The following AGFG1 variants were observed in gnomAD, a reference collection of about 807,000 sequenced individuals.
AGFG1 encodes ArfGAP with FG repeats 1, also known as arf-GAP domain and FG repeat-containing protein 1.
In AGFG1, 10 loss-of-function variants were observed where a neutral mutation model predicts 60.6. The ratio of observed to expected loss-of-function variants is 0.16; its 90% CI spans 0.10 to 0.28. AGFG1 has a LOEUF of 0.28. Among genes scored for constraint, AGFG1 ranks in the 10% least tolerant of loss-of-function variants. The pLI, the probability that AGFG1 is intolerant of heterozygous loss-of-function variation, is 1.00. For synonymous variants in AGFG1, 247 were observed against 242.9 expected, an observed-to-expected ratio of 1.02 and a Z score of -0.16; for missense variants, 537 against 676.5, an observed-to-expected ratio of 0.79 and a Z score of 2.29.
chr2:227,491,058 A>G (rs1039873130), intron 1 of AGFG1, among the ~76,000 whole-genome samples: 9 of 152,174 alleles, frequency 5.9e-5, no homozygotes, highest in African/African-American at 1.9e-4. Flanking sequence ...TATTACCTCA[A>G]TTCATGATAT....
At chr2:227,524,952 C>G (rs1467215701) in intron 5 of AGFG1, 37 bp downstream of exon 5, 1 of 1,605,834 alleles carries the variant, frequency 6.2e-7, no homozygotes, top group Non-Finnish European at 8.5e-7. Flanking sequence ...GCTGGGGATG[C>G]ATATAAAACA....
intron 2 of AGFG1, among the ~76,000 whole-genome samples, chr2:227,500,285 C>T (rs1691115114): frequency 6.6e-6 from 1 of 152,220 alleles, no homozygotes; most frequent in South Asian, 2.1e-4. Context: ...AGGACAATCT[C>T]ATACTGGCCT....
chr2:227,500,270 C>G (rs1159301308), intron 2 of AGFG1, among the ~76,000 whole-genome samples: 1 of 152,218 alleles, frequency 6.6e-6, no homozygotes, highest in Non-Finnish European at 1.5e-5. Flanking sequence ...CCCACTACTT[C>G]CCCAAGGACA....
chr2:227,552,115 A>G lies in AGFG1; in HGVS notation c.1535A>G (p.Asn512Ser), dbSNP rs150263079. ...CAGACAGCTTTTTCTCAACAGCCCAATGGTAAGATCTAACATTTGGCGAGC... is the reference window on the plus strand; with the variant it reads ...CAGACAGCTTTTTCTCAACAGCCCAGTGGTAAGATCTAACATTTGGCGAGC... ...PQQTAFSQQP[N>S]GAGFAAFGQT... Residue 512 changes from asparagine (N) to serine (S), a missense_variant and splice_region_variant, in exon 11 of 13, where the codon AAT becomes AGT. By Grantham distance (46) the Asn-to-Ser change is conservative. Transcript: ENST00000310078. The G allele has an allele frequency of 1.1e-4, 183 of 1,614,140 alleles. No individual in the cohort carries two copies. The highest frequency in any genetic ancestry group is 2.7e-4 in the East Asian group (12 of 44,882).
chr2:227,509,858 G>T (rs1289873348), intron 2 of AGFG1, among the ~76,000 whole-genome samples: 1 of 152,110 alleles, frequency 6.6e-6, no homozygotes, highest in Non-Finnish European at 1.5e-5. Context: ...GAATGCAGAA[G>T]AACTTTATAG....
intron 10 of AGFG1, among the ~76,000 whole-genome samples, chr2:227,540,256 C>T (rs1252177146): frequency 6.7e-6 from 1 of 149,422 alleles, no homozygotes; most frequent in Non-Finnish European, 1.5e-5. Flanking sequence ...AGGTTTGTTA[C>T]ATATGTATAC....
intron 6 of AGFG1, among the ~76,000 whole-genome samples, 165 bp downstream of exon 6, chr2:227,531,375 A>G (rs188303464): frequency 8.6e-5 from 13 of 152,024 alleles, no homozygotes; most frequent in Admixed American, 2.6e-4. Context: ...ATTTTTTTCT[A>G]TGTTCATTTG....
At position 227,481,099 on chromosome 2, in the gene AGFG1, C is replaced by CTTTTTTTTTTTTT. The variant is rs36152184; in HGVS notation, c.167+8523_167+8535dup. On this transcript the variant is annotated intron_variant, in intron 1 of 12. Coordinates refer to ENST00000310078, the MANE Select transcript of AGFG1 (RefSeq NM_004504.5). ...TAGGTCTTTTGTTCAGTGTTTTAGG[C>CTTTTTTTTTTTTT]TTTTTTTTTTTTTTTTTTTTTTTTG... Among the ~76,000 whole-genome samples the CTTTTTTTTTTTTT allele has an allele frequency of 3.2e-4, 24 of 75,722 alleles. 1 individual carries two copies. Among genetic ancestry groups the CTTTTTTTTTTTTT allele is most frequent in the Admixed American group, 5.1e-4 (3 of 5,896 alleles). 49.7% of individuals were successfully genotyped at this position (75,722 alleles called of 152,430 possible).
chr2:227,541,108 G>A (rs1486041466), intron 10 of AGFG1, among the ~76,000 whole-genome samples: 1 of 152,076 alleles, frequency 6.6e-6, no homozygotes, highest in Non-Finnish European at 1.5e-5. Context: ...TTTGTCAGAT[G>A]GGTAGATTGC....
rs947872186 is a variant in AGFG1, at chr2:227,556,898, C to T, written c.*2403C>T. On this transcript the variant is annotated 3_prime_UTR_variant, in exon 13 of 13. Coordinates refer to ENST00000310078, the MANE Select transcript of AGFG1 (RefSeq NM_004504.5). The stretch of plus-strand genomic sequence containing the variant: ...GCAGTGCGCTACGATCACACCACTG[C>T]ACACCAGCCTGGGGATAGAGTGAGA... 6.6e-6 allele frequency: 1 copy of T among 152,014 alleles called. No homozygotes were observed. Among genetic ancestry groups the T allele is most frequent in the African/African-American group, 2.4e-5 (1 of 41,362 alleles). The allele number at this position is 152,014 out of a possible 1,614,324, so 9.4% of individuals were successfully genotyped here.
chr2:227,529,521 G>C (rs1241913377), intron 5 of AGFG1, among the ~76,000 whole-genome samples: 1 of 152,112 alleles, frequency 6.6e-6, no homozygotes, highest in East Asian at 1.9e-4. Context: ...TAGTCTTCAT[G>C]TGAGCATTCA....
chr2:227,520,108 A>G lies in AGFG1; in HGVS notation c.377+45A>G, dbSNP rs376341887. 4.0e-4 allele frequency: 465 copies of G among 1,154,218 alleles called. 1 individual carries two copies. The highest frequency in any genetic ancestry group is 3.7e-3 in the South Asian group (267 of 72,680). The allele number at this position is 1,154,218 out of a possible 1,614,324, so 71.5% of individuals were successfully genotyped here. A position where few individuals can be genotyped will look rare whatever the true frequency, so the allele number is the denominator to read the frequency against. On this transcript the variant is annotated intron_variant, in intron 3 of 12. Coordinates refer to ENST00000310078, the MANE Select transcript of AGFG1 (RefSeq NM_004504.5). The stretch of plus-strand genomic sequence containing the variant: ...GTAGAATAAAGCCTCCCCAAATCAC[A>G]TATTAACTATGGGTAAGGTTAGTCT...
intron 1 of AGFG1, among the ~76,000 whole-genome samples, chr2:227,489,558 C>G (rs180702760): frequency 6.6e-5 from 10 of 152,052 alleles, no homozygotes; most frequent in African/African-American, 2.4e-4. Context: ...ATTTCGGTTA[C>G]TTAGTTCTTC....
intron 1 of AGFG1, among the ~76,000 whole-genome samples, chr2:227,491,085 T>C (rs1322140993): frequency 6.6e-6 from 1 of 152,342 alleles, no homozygotes; most frequent in Non-Finnish European, 1.5e-5. Context: ...TAATATAGTT[T>C]TCTAAATTAG....
chr2:227,512,764 T>G (rs930928588), intron 2 of AGFG1, among the ~76,000 whole-genome samples: 8 of 152,220 alleles, frequency 5.3e-5, no homozygotes, highest in African/African-American at 1.9e-4. Context: ...ATTCTGTTAT[T>G]TGTTCCTGTG....
rs1213071685 is a variant in AGFG1 at position 227,555,243 on chromosome 2, A to G, written c.*748A>G. 2.6e-5 allele frequency: 4 copies of G among 152,642 alleles called. No individual in the cohort carries two copies. Among genetic ancestry groups the G allele is most frequent in the African/African-American group, 9.6e-5 (4 of 41,474 alleles). 9.5% of individuals were successfully genotyped at this position (152,642 alleles called of 1,614,324 possible). A position where few individuals can be genotyped will look rare whatever the true frequency, so the allele number is the denominator to read the frequency against. On this transcript the variant is annotated 3_prime_UTR_variant, in exon 13 of 13. Transcript: ENST00000310078. ...CTTAGTGACTTTTTATAAAAAGGCC[A>G]TGTAGAAAATTTATTAAAACTACTA...
chr2:227,475,328 C>G (rs530727867), intron 1 of AGFG1, among the ~76,000 whole-genome samples: 6 of 152,274 alleles, frequency 3.9e-5, no homozygotes, highest in East Asian at 1.9e-4. Context: ...ATTGGGTTAG[C>G]TTAGATCATG....
At chr2:227,515,579 A>G (rs540501188) in intron 2 of AGFG1, among the ~76,000 whole-genome samples, 56 of 152,162 alleles carry the variant, frequency 3.7e-4, no homozygotes, top group Non-Finnish European at 6.3e-4. Flanking sequence ...TGTTAATATA[A>G]TCACCTTTTT....
chr2:227,557,075 T>A lies in AGFG1; in HGVS notation c.*2580T>A, dbSNP rs1288065310. The stretch of plus-strand genomic sequence containing the variant: ...TTTATATAGACCATCAAAATTATGT[T>A]GAGTACTAAAAAGGAGAAAAAATCC... On this transcript the variant is annotated 3_prime_UTR_variant, in exon 13 of 13. Transcript: ENST00000310078. The A allele has an allele frequency of 6.6e-6, 1 of 152,204 alleles. No homozygotes were observed. Among genetic ancestry groups the A allele is most frequent in the Non-Finnish European group, 1.5e-5 (1 of 68,026 alleles). The allele number at this position is 152,204 out of a possible 1,614,324, so 9.4% of individuals were successfully genotyped here.
Sources: gnomAD v4.1 joint callset for allele counts (sites outside exome capture counted in the v4.1 genomes callset) on GRCh38, gnomAD v4.1.1 for gene constraint, MANE v1.5 for transcripts, NCBI Gene and HGNC (gene_info 2026-07-23, HGNC 2026-07-21) for gene names.